The following TRAPPC9 variants were observed in gnomAD, a reference collection of about 807,000 sequenced individuals.
TRAPPC9 encodes the protein trafficking protein particle complex subunit 9.
Under a neutral mutation model 124.0 loss-of-function variants are expected in TRAPPC9, and 83 were observed. The ratio of observed to expected loss-of-function variants is 0.67; its 90% CI spans 0.56 to 0.80. The LOEUF is 0.80. Among genes scored for constraint, TRAPPC9 ranks in the 30% least tolerant of loss-of-function variants. The pLI, the probability that TRAPPC9 is intolerant of heterozygous loss-of-function variation, is 0.00. For synonymous variants in TRAPPC9, 638 were observed against 617.5 expected, an observed-to-expected ratio of 1.03 and a Z score of -0.49; for missense variants, 1,302 against 1,508.3, an observed-to-expected ratio of 0.86 and a Z score of 2.27.
chr8:140,447,104 T>C (rs1422130265), intron 2 of TRAPPC9, among the ~76,000 whole-genome samples: 1 of 152,076 alleles, frequency 6.6e-6, no homozygotes, highest in Non-Finnish European at 1.5e-5. Flanking sequence ...AGTTAAGCTA[T>C]CCCAGGAAAA....
intron 17 of TRAPPC9, among the ~76,000 whole-genome samples, chr8:140,148,263 G>A (rs1235100882): frequency 2.6e-5 from 4 of 152,310 alleles, no homozygotes; most frequent in South Asian, 2.1e-4. Context: ...GCTCTCGGTC[G>A]TTATTCCACA....
intron 4 of TRAPPC9, among the ~76,000 whole-genome samples, chr8:140,427,463 G>T (rs1202478795): frequency 6.6e-6 from 1 of 151,860 alleles, no homozygotes; most frequent in Non-Finnish European, 1.5e-5. Flanking sequence ...CTTTTAGAAG[G>T]TAGCTTTGTA....
At chr8:140,431,254 C>T (rs1407989604) in intron 4 of TRAPPC9, among the ~76,000 whole-genome samples, 1 of 151,798 alleles carries the variant, frequency 6.6e-6, no homozygotes, top group African/African-American at 2.4e-5. Context: ...GTCAGGAGTT[C>T]AAGACCAGCC....
intron 17 of TRAPPC9, among the ~76,000 whole-genome samples, chr8:140,162,503 C>T (rs2061768196): frequency 6.6e-6 from 1 of 152,160 alleles, no homozygotes; most frequent in Non-Finnish European, 1.5e-5. Context: ...GTGCTTAATA[C>T]ATAATAGGTG....
rs2065415326 is a variant in TRAPPC9, at chr8:140,284,147, CCGCCGG to C, written c.1982-132_1982-127del. 9 of 1,280,500 alleles carry C rather than the reference CCGCCGG, an allele frequency of 7.0e-6. No homozygotes were observed. In the South Asian group the frequency reaches 9.6e-5, roughly 14 times the overall value. 79.3% of individuals were successfully genotyped at this position (1,280,500 alleles called of 1,614,324 possible). On this transcript the variant is annotated intron_variant, in intron 13 of 22. Coordinates refer to ENST00000438773, the MANE Select transcript of TRAPPC9 (RefSeq NM_001160372.4). ...CCTGAGTTCCGAAGCTGCCCGGGGC[CCGCCGG>C]CGCTCACCCACACTCCCGCCCTCAA...
chr8:139,736,905 G>A (rs1818208057), intron 21 of TRAPPC9, among the ~76,000 whole-genome samples: 1 of 152,204 alleles, frequency 6.6e-6, no homozygotes, highest in Non-Finnish European at 1.5e-5. Flanking sequence ...CAGCCACCCT[G>A]CTGAGCAGGG....
chr8:139,780,750 C>A (rs1221352616), intron 21 of TRAPPC9, among the ~76,000 whole-genome samples: 2 of 151,672 alleles, frequency 1.3e-5, no homozygotes, highest in Non-Finnish European at 2.9e-5. Context: ...CAAGCCGTAG[C>A]AAATATATTC....
intron 1 of TRAPPC9, chr8:140,456,805 ACTGGGCCTTG>A (rs1303108275): frequency 2.0e-6 from 2 of 985,322 alleles, no homozygotes; most frequent in Non-Finnish European, 2.4e-6. Context: ...ATACCTTTCA[ACTGGGCCTTG>A]CTTCCAGCGT....
At chr8:140,254,085 C>T (rs569741886) in intron 15 of TRAPPC9, among the ~76,000 whole-genome samples, 21 of 152,290 alleles carry the variant, frequency 1.4e-4, no homozygotes, top group African/African-American at 2.9e-4. Flanking sequence ...CGTCTCTCCA[C>T]GGCTCCAGTT....
chr8:140,228,838 A>G (rs867516169), intron 16 of TRAPPC9, among the ~76,000 whole-genome samples: 1 of 152,216 alleles, frequency 6.6e-6, no homozygotes. Flanking sequence ...GGGTAGTACA[A>G]CTGTGTTACA....
chr8:139,846,460 C>T (rs1196274818), intron 21 of TRAPPC9, among the ~76,000 whole-genome samples: 1 of 152,200 alleles, frequency 6.6e-6, no homozygotes, highest in East Asian at 1.9e-4. Context: ...CTGCCTCTGG[C>T]AGGACGAGGT....
rs1412721613 is a variant in TRAPPC9 at position 140,451,204 on chromosome 8, T to C, written c.170A>G (p.Tyr57Cys). The C allele has an allele frequency of 3.1e-6, 5 of 1,614,164 alleles. No individual in the cohort carries two copies. In the East Asian group the frequency reaches 8.9e-5, roughly 29 times the overall value. ...GTTCTCGGGTGGGTAGTGGTGCCTG[T>C]AGCGGATGTAGAGGACTCGCTGGGA... ...RDSQRVLYIR[Y>C]RHHYPPENNE... Residue 57 changes from tyrosine (Y) to cysteine (C), a missense_variant, in exon 2 of 23, where the codon TAC (tyrosine) becomes TGC (cysteine). Transcript: ENST00000438773.
intron 19 of TRAPPC9, chr8:139,932,785 T>G: frequency 2.9e-6 from 1 of 344,906 alleles, no homozygotes. Flanking sequence ...AGCACTGTCA[T>G]GCAGGGCAGG....
intron 17 of TRAPPC9, among the ~76,000 whole-genome samples, chr8:140,152,355 C>CTTTTTTTTTTTT (rs34124150): frequency 1.1e-5 from 1 of 93,878 alleles, no homozygotes; most frequent in African/African-American, 4.5e-5. Flanking sequence ...ATATTGCCAT[C>CTTTTTTTTTTTT]TTTTTTTTTT....
intron 18 of TRAPPC9, among the ~76,000 whole-genome samples, chr8:140,022,979 A>T (rs1183284309): frequency 2.0e-5 from 3 of 152,246 alleles, no homozygotes; most frequent in African/African-American, 7.2e-5. Context: ...ATTAACATGG[A>T]CAACAACATG....
At chr8:140,090,493 T>G (rs528228035) in intron 17 of TRAPPC9, among the ~76,000 whole-genome samples, 7 of 152,232 alleles carry the variant, frequency 4.6e-5, no homozygotes, top group Non-Finnish European at 1.0e-4. Flanking sequence ...AATAACCTAT[T>G]ATCTTAGCTC....
At chr8:140,398,635 A>T (rs1013385571) in intron 6 of TRAPPC9, among the ~76,000 whole-genome samples, 2 of 152,246 alleles carry the variant, frequency 1.3e-5, no homozygotes, top group African/African-American at 4.8e-5. Context: ...GATATCTGGC[A>T]GAAGAAATTT....
rs143903438 is a variant in TRAPPC9, at chr8:140,450,771, G to A, written c.584+19C>T. The A allele has an allele frequency of 1.2e-3, 1,842 of 1,583,688 alleles. 32 individuals carry two copies. In the African/African-American group the frequency reaches 0.022, roughly 19 times the overall value. On this transcript the variant is annotated intron_variant, in intron 2 of 22. Transcript: ENST00000438773. Reference sequence around the variant, plus strand: ...TGATGCAGGGAAGCCAAGGGGCCTGGGTCTCTAGGTAAGCTTACCTGCTGT... The same window carrying A: ...TGATGCAGGGAAGCCAAGGGGCCTGAGTCTCTAGGTAAGCTTACCTGCTGT...
intron 17 of TRAPPC9, among the ~76,000 whole-genome samples, chr8:140,206,497 G>GA (rs1382588816): frequency 7.2e-5 from 11 of 151,750 alleles, no homozygotes; most frequent in Non-Finnish European, 1.5e-4. Context: ...GCAGAACAAG[G>GA]AAAAAAATCT....
Sources: gnomAD v4.1 joint callset for allele counts (sites outside exome capture counted in the v4.1 genomes callset) on GRCh38, gnomAD v4.1.1 for gene constraint, MANE v1.5 for transcripts, NCBI Gene and HGNC (gene_info 2026-07-23, HGNC 2026-07-21) for gene names.